FRMD4A: variants seen among roughly 807,000 people sequenced by gnomAD.
FRMD4A encodes the protein FERM domain containing 4A.
A neutral mutation model predicts 129.1 loss-of-function variants in FRMD4A; 29 were observed. The ratio of observed to expected loss-of-function variants is 0.22; its 90% CI spans 0.17 to 0.31. FRMD4A has a LOEUF of 0.31. FRMD4A is among the 10% of genes least tolerant of loss of function. The pLI is 1.00. For missense variants in FRMD4A, 1,272 were observed against 1,375.8 expected (o/e 0.92, Z 1.19); for synonymous variants, 634 against 571.6 (o/e 1.11, Z -1.56).
intron 2 of FRMD4A, among the ~76,000 whole-genome samples, chr10:14,271,008 C>A (rs1374910393): frequency 6.6e-6 from 1 of 152,132 alleles, no homozygotes; most frequent in Non-Finnish European, 1.5e-5. Flanking sequence ...TCTGGGGAGG[C>A]CTCAGGAAGC....
At chr10:13,893,514 A>T (rs2094723958) in intron 2 of FRMD4A, among the ~76,000 whole-genome samples, 1 of 151,852 alleles carries the variant, frequency 6.6e-6, no homozygotes, top group East Asian at 1.9e-4. Context: ...AAATGTTCAG[A>T]CCTACAACAT....
chr10:13,813,606 A>C (rs77889470), intron 3 of FRMD4A, among the ~76,000 whole-genome samples: 2,475 of 152,322 alleles, frequency 0.016, 75 homozygotes, highest in African/African-American at 0.056. Flanking sequence ...AAGGTGCTCT[A>C]AACACTGCCA....
At chr10:14,055,537 A>G (rs1220160430) in intron 2 of FRMD4A, among the ~76,000 whole-genome samples, 1 of 152,092 alleles carries the variant, frequency 6.6e-6, no homozygotes, top group East Asian at 1.9e-4. Context: ...AGCACAAACT[A>G]TACGATCACT....
chr10:13,943,667 A>G (rs1475840585), intron 2 of FRMD4A, among the ~76,000 whole-genome samples: 12 of 149,682 alleles, frequency 8.0e-5, no homozygotes, highest in African/African-American at 2.7e-4. Flanking sequence ...AAAAAAAAAA[A>G]AAAAAAAAAA....
At chr10:13,742,148 G>A (rs548449865) in intron 9 of FRMD4A, among the ~76,000 whole-genome samples, 34 of 152,086 alleles carry the variant, frequency 2.2e-4, no homozygotes, top group Non-Finnish European at 3.7e-4. Context: ...GAGCCACCGC[G>A]CCCAGCTGAA....
rs1378931299 is a variant in FRMD4A, at chr10:13,925,565, GCTTTTT to G, written c.46-66659_46-66654del. On this transcript the variant is annotated intron_variant, in intron 2 of 24. Transcript: ENST00000357447. ...GTGAAAGTTTCTATTGTAGTGAAACGCTTTTTTTTTTTTTTTTTTTTTTTTTTTTTT... is the reference window on the plus strand; with the variant it reads ...GTGAAAGTTTCTATTGTAGTGAAACGTTTTTTTTTTTTTTTTTTTTTTTTT... Among the ~76,000 whole-genome samples the G allele has an allele frequency of 5.0e-5, 3 of 59,788 alleles. 1 individual carries two copies. The highest frequency in any genetic ancestry group is 2.9e-5 in the Non-Finnish European group (1 of 34,610). The allele number at this position is 59,788 out of a possible 152,430, so 39.2% of individuals were successfully genotyped here.
At chr10:14,142,052 G>T (rs1052929772) in intron 2 of FRMD4A, among the ~76,000 whole-genome samples, 1 of 151,740 alleles carries the variant, frequency 6.6e-6, no homozygotes, top group Non-Finnish European at 1.5e-5. Context: ...GTTTTGATTA[G>T]GATCAATAAT....
chr10:13,654,862 C>T (rs1172589997), intron 22 of FRMD4A: 2 of 313,194 alleles, frequency 6.4e-6, no homozygotes, highest in African/African-American at 4.4e-5. Context: ...ATCTGATGTC[C>T]CCATAGTCCT....
chr10:13,649,896 C>T (rs532662529), intron 24 of FRMD4A, among the ~76,000 whole-genome samples: 1 of 152,316 alleles, frequency 6.6e-6, no homozygotes, highest in East Asian at 1.9e-4. Flanking sequence ...GTCAGTCATT[C>T]ACTGGAACAT....
chr10:13,666,838 C>T (rs2083078826), intron 17 of FRMD4A, among the ~76,000 whole-genome samples: 1 of 152,060 alleles, frequency 6.6e-6, no homozygotes, highest in African/African-American at 2.4e-5. Flanking sequence ...TCACAGGCCT[C>T]TGACTCACAT....
At position 13,739,803 on chromosome 10, in the gene FRMD4A, GA is replaced by G. The variant is rs773008497; in HGVS notation, c.672+390del. Among the ~76,000 whole-genome samples the G allele has an allele frequency of 1.0e-3, 155 of 152,124 alleles. No homozygotes were observed. In the Middle Eastern group the frequency reaches 0.027, roughly 27 times the overall value. On this transcript the variant is annotated intron_variant, in intron 11 of 24. Coordinates refer to ENST00000357447, the MANE Select transcript of FRMD4A (RefSeq NM_018027.5). ...CTCCATTCCCACCAGGAATTATAAA[GA>G]AAAAAACAATGAGGGCCAGGCGCGG...
chr10:14,010,120 T>C (rs924483907), intron 2 of FRMD4A, among the ~76,000 whole-genome samples: 1 of 143,370 alleles, frequency 7.0e-6, no homozygotes, highest in African/African-American at 2.4e-5. Flanking sequence ...TTGGGGTCGG[T>C]GGGGGGGACA....
chr10:13,808,769 C>T (rs1360970431), intron 4 of FRMD4A, among the ~76,000 whole-genome samples: 1 of 152,216 alleles, frequency 6.6e-6, no homozygotes, highest in African/African-American at 2.4e-5. Context: ...TAGTGACCTC[C>T]AGCTGGCTGG....
rs147755517 is a variant in FRMD4A, at chr10:14,172,906, T to C, written c.45+157152A>G. 1.3e-3 allele frequency among the ~76,000 whole-genome samples: 193 copies of C among 152,268 alleles called. 1 individual carries two copies. Among genetic ancestry groups the C allele is most frequent in the African/African-American group, 4.4e-3 (183 of 41,554 alleles). ...TGAGGCTATCCTTCTAATGAATGACTCTCAGACATGGGTGAACATAACAGA... is the reference window on the plus strand; with the variant it reads ...TGAGGCTATCCTTCTAATGAATGACCCTCAGACATGGGTGAACATAACAGA... On this transcript the variant is annotated intron_variant, in intron 2 of 24. Coordinates refer to ENST00000357447, the MANE Select transcript of FRMD4A (RefSeq NM_018027.5).
intron 2 of FRMD4A, among the ~76,000 whole-genome samples, chr10:14,315,906 G>C (rs770013698): frequency 6.6e-6 from 1 of 152,228 alleles, no homozygotes; most frequent in Non-Finnish European, 1.5e-5. Context: ...AGGAGCTAAA[G>C]AATCAATGGT....
chr10:13,684,401 C>T, intron 15 of FRMD4A: 1 of 984,994 alleles, frequency 1.0e-6, no homozygotes, highest in Non-Finnish European at 1.2e-6. Context: ...TGTTTGAGAC[C>T]CTGGAGACAC....
intron 15 of FRMD4A, among the ~76,000 whole-genome samples, chr10:13,680,589 T>G (rs1341347014): frequency 6.6e-6 from 1 of 151,616 alleles, no homozygotes; most frequent in African/African-American, 2.4e-5. Context: ...AGCTGGGCGT[T>G]GTGGCATGCA....
intron 2 of FRMD4A, among the ~76,000 whole-genome samples, chr10:13,954,143 G>A (rs1031582391): frequency 6.6e-6 from 1 of 152,160 alleles, no homozygotes; most frequent in African/African-American, 2.4e-5. Context: ...TCCGCAGGTT[G>A]GGTTGTGTTG....
intron 2 of FRMD4A, among the ~76,000 whole-genome samples, chr10:14,050,269 C>G (rs561785355): frequency 1.6e-4 from 24 of 152,308 alleles, no homozygotes; most frequent in African/African-American, 5.3e-4. Context: ...TGCTGCTGTC[C>G]TGAGGACTTT....
Sources: allele counts gnomAD v4.1 joint callset (sites outside exome capture counted in the v4.1 genomes callset), GRCh38; gene constraint gnomAD v4.1.1; transcripts MANE v1.5; gene names NCBI Gene and HGNC (gene_info 2026-07-23, HGNC 2026-07-21).